The following SLC44A5 variants were observed in gnomAD, a reference collection of about 807,000 sequenced individuals.
SLC44A5 encodes the protein choline transporter-like protein 5.
SLC44A5 carries 57 observed loss-of-function variants against 101.8 expected under a neutral mutation model. That is an observed-to-expected ratio of 0.56 (90% confidence interval 0.45 to 0.70). The LOEUF is 0.70. SLC44A5 is among the 30% of genes least tolerant of loss of function. SLC44A5 has a pLI of 0.00. For synonymous variants in SLC44A5, 281 were observed against 290.9 expected (o/e 0.97, Z 0.35); for missense variants, 737 against 853.1 (o/e 0.86, Z 1.70).
In SLC44A5 at chr1:75,306,195, A is replaced by G. The variant is rs187620881; in HGVS notation, c.102-5510T>C. On this transcript the variant is annotated intron_variant, in intron 4 of 23. Coordinates refer to ENST00000370859, the MANE Select transcript of SLC44A5 (RefSeq NM_001130058.2). ...TTTGCTACAATGGCTTAGTAGTTGCATTAGATACCATCTGGCCTGCAAAAC... is the reference window on the plus strand; with the variant it reads ...TTTGCTACAATGGCTTAGTAGTTGCGTTAGATACCATCTGGCCTGCAAAAC... 4.1e-3 allele frequency among the ~76,000 whole-genome samples: 630 copies of G among 152,338 alleles called. 16 individuals carry two copies. Among genetic ancestry groups the G allele is most frequent in the Admixed American group, 0.039 (590 of 15,300 alleles).
At chr1:75,603,708 G>T (rs1371421749) in intron 1 of SLC44A5, among the ~76,000 whole-genome samples, 5 of 119,894 alleles carry the variant, frequency 4.2e-5, no homozygotes, top group Non-Finnish European at 6.9e-5. Flanking sequence ...CGTGATTTTT[G>T]ATTTGCCTTT....
the SLC44A5 span, among the ~76,000 whole-genome samples, chr1:75,672,981 G>A: frequency 4.6e-5 from 7 of 152,160 alleles, no homozygotes; most frequent in East Asian, 1.9e-4. Context: ...GGCCTTGGGT[G>A]AGACTCAGAG....
chr1:75,258,585 C>T (rs796944398), intron 6 of SLC44A5, among the ~76,000 whole-genome samples: 17 of 152,206 alleles, frequency 1.1e-4, no homozygotes, highest in Non-Finnish European at 1.9e-4. Context: ...GAGGAAGGGG[C>T]GGTCGGGGGT....
At chr1:75,622,568 T>C in the SLC44A5 span, among the ~76,000 whole-genome samples, 2 of 152,028 alleles carry the variant, frequency 1.3e-5, no homozygotes, top group Non-Finnish European at 1.5e-5. Flanking sequence ...AGTTATCTAA[T>C]CATATAACCC....
chr1:75,677,805 G>A, the SLC44A5 span: 2 of 410,756 alleles, frequency 4.9e-6, 1 homozygote, highest in South Asian at 3.5e-5. Flanking sequence ...CTCCCAGCCT[G>A]AGCGACGCAG....
intron 1 of SLC44A5, among the ~76,000 whole-genome samples, chr1:75,543,113 G>T (rs1236782432): frequency 6.6e-6 from 1 of 152,012 alleles, no homozygotes; most frequent in African/African-American, 2.4e-5. Flanking sequence ...TTTATCAAAG[G>T]ATCAGTTAGT....
At chr1:75,442,540 T>C (rs1250583240) in intron 2 of SLC44A5, among the ~76,000 whole-genome samples, 1 of 152,118 alleles carries the variant, frequency 6.6e-6, no homozygotes, top group Non-Finnish European at 1.5e-5. Flanking sequence ...TGCCTCATTC[T>C]CCACCCTTGA....
chr1:75,599,655 T>C (rs777407364), intron 1 of SLC44A5, among the ~76,000 whole-genome samples: 1 of 152,182 alleles, frequency 6.6e-6, no homozygotes, highest in Non-Finnish European at 1.5e-5. Flanking sequence ...GAAGTTGACA[T>C]TTGTGCTTAA....
At chr1:75,383,201 G>C (rs1230503392) in intron 3 of SLC44A5, among the ~76,000 whole-genome samples, 17 of 105,688 alleles carry the variant, frequency 1.6e-4, no homozygotes, top group Non-Finnish European at 2.3e-4. Context: ...CTTTGTTCAC[G>C]TGTTTGTCTG....
the SLC44A5 span, among the ~76,000 whole-genome samples, chr1:75,634,705 A>C: frequency 2.6e-5 from 4 of 151,540 alleles, no homozygotes; most frequent in East Asian, 5.9e-4. Context: ...AAAACCATAA[A>C]AACCCTAGAA....
Position 75,300,605 on chromosome 1 carries a change from TACTC to T in SLC44A5, c.175+3_175+6del. 1 of 1,580,156 alleles carries T rather than the reference TACTC, an allele frequency of 6.3e-7. No homozygotes were observed. Among genetic ancestry groups the T allele is most frequent in the Non-Finnish European group, 8.6e-7 (1 of 1,156,608 alleles). Reference sequence around the variant, plus strand: ...GTTAAATATTTTCTATACCTGTATTTACTCACCCACAAGTCCTAAAACAATGTAG... The same window carrying T: ...GTTAAATATTTTCTATACCTGTATTTACCCACAAGTCCTAAAACAATGTAG... On this transcript the variant is annotated splice_donor_5th_base_variant and intron_variant, in intron 5 of 23. Transcript: ENST00000370859.
intron 4 of SLC44A5, among the ~76,000 whole-genome samples, chr1:75,338,540 A>C (rs1657621823): frequency 6.6e-6 from 1 of 152,220 alleles, no homozygotes; most frequent in Non-Finnish European, 1.5e-5. Flanking sequence ...GGATGTAATC[A>C]TAGTAAAAGT....
chr1:75,620,029 G>A, the SLC44A5 span, among the ~76,000 whole-genome samples: 18 of 151,974 alleles, frequency 1.2e-4, no homozygotes, highest in South Asian at 4.2e-4. Flanking sequence ...TCCTCTCCCC[G>A]TGTCCGTGTG....
At chr1:75,666,018 G>C in the SLC44A5 span, among the ~76,000 whole-genome samples, 1 of 152,180 alleles carries the variant, frequency 6.6e-6, no homozygotes, top group South Asian at 2.1e-4. Flanking sequence ...ATATACTGTT[G>C]ATAGGAGTAT....
chr1:75,585,374 A>G (rs891055355), intron 1 of SLC44A5, among the ~76,000 whole-genome samples: 6 of 152,236 alleles, frequency 3.9e-5, no homozygotes, highest in Non-Finnish European at 8.8e-5. Flanking sequence ...ATACTTTTTC[A>G]GTTTTATACT....
chr1:75,591,497 G>C (rs1674351128), intron 1 of SLC44A5, among the ~76,000 whole-genome samples: 1 of 152,026 alleles, frequency 6.6e-6, no homozygotes, highest in Non-Finnish European at 1.5e-5. Flanking sequence ...GTTCATCAGG[G>C]ATATTGTTCT....
At chr1:75,460,423 T>G (rs1479352153) in intron 2 of SLC44A5, among the ~76,000 whole-genome samples, 2 of 152,170 alleles carry the variant, frequency 1.3e-5, no homozygotes, top group Admixed American at 1.3e-4. Flanking sequence ...GCTCTAAAGA[T>G]AAAATGTTTA....
intron 4 of SLC44A5, among the ~76,000 whole-genome samples, chr1:75,318,237 C>T (rs1287088362): frequency 3.3e-5 from 5 of 151,958 alleles, no homozygotes; most frequent in Non-Finnish European, 7.4e-5. Flanking sequence ...ATTAGTCACA[C>T]AGGGTCACGC....
At chr1:75,484,029 TC>T in intron 2 of SLC44A5, among the ~76,000 whole-genome samples, 1 of 152,110 alleles carries the variant, frequency 6.6e-6, no homozygotes, top group African/African-American at 2.4e-5. Context: ...AGGCCCCTCC[TC>T]CAACATGTGG....
Sources: allele counts gnomAD v4.1 joint callset (sites outside exome capture counted in the v4.1 genomes callset), GRCh38; gene constraint gnomAD v4.1.1; transcripts MANE v1.5; gene names NCBI Gene and HGNC (gene_info 2026-07-23, HGNC 2026-07-21).